Variants in CFAP54 observed in about 807,000 individuals in gnomAD.
CFAP54 encodes the protein cilia- and flagella-associated protein 54.
Under a neutral mutation model 370.4 loss-of-function variants are expected in CFAP54, and 290 were observed. The observed-to-expected ratio is 0.78, with a 90% CI of 0.71 to 0.86. The LOEUF (loss-of-function observed/expected upper bound fraction) is 0.86, where lower values mean the gene tolerates loss of function less well. Among genes scored for constraint, CFAP54 ranks in the 40% least tolerant of loss-of-function variants. The probability of loss-of-function intolerance (pLI) is 0.00; values close to 1 mark genes in which losing one functional copy is unlikely to be tolerated. For missense variants in CFAP54, 3,399 were observed against 3,528.7 expected (o/e 0.96, Z 0.93); for synonymous variants, 1,206 against 1,236.5 (o/e 0.98, Z 0.52).
intron 26 of CFAP54, among the ~76,000 whole-genome samples, chr12:96,611,312 C>A (rs1330565315): frequency 6.6e-6 from 1 of 152,260 alleles, no homozygotes; most frequent in Non-Finnish European, 1.5e-5. Context: ...TCCAACAGAC[C>A]TGCAGCTGAG....
rs1361954982 is a variant in CFAP54, at chr12:96,704,446, A to ATGTG, written c.6475-293_6475-290dup. Among the ~76,000 whole-genome samples, 21 of 72,974 alleles carry ATGTG rather than the reference A, an allele frequency of 2.9e-4. No individual in the cohort carries two copies. The South Asian group carries it at 3.4e-3, about 12-fold the overall frequency. 47.9% of individuals were successfully genotyped at this position (72,974 alleles called of 152,430 possible). A position where few individuals can be genotyped will look rare whatever the true frequency, so the allele number is the denominator to read the frequency against. The stretch of plus-strand genomic sequence containing the variant: ...GGTCTAAAAAAAAAAAAAAAAATGT[A>ATGTG]TGTGTGTATATATATATATATATAT... On this transcript the variant is annotated intron_variant, in intron 46 of 67. Coordinates refer to ENST00000524981, the MANE Select transcript of CFAP54 (RefSeq NM_001306084.2).
chr12:96,580,339 A>C (rs891111523), intron 20 of CFAP54, among the ~76,000 whole-genome samples: 2 of 152,128 alleles, frequency 1.3e-5, no homozygotes, highest in Non-Finnish European at 2.9e-5. Flanking sequence ...TAAATTTCCT[A>C]ACAGTACTTA....
In CFAP54 at chr12:96,545,088, T is replaced by G. The variant is rs191776861; in HGVS notation, c.2078-2814T>G. 1.5e-4 allele frequency among the ~76,000 whole-genome samples: 23 copies of G among 152,184 alleles called. No homozygotes were observed. In the East Asian group the frequency reaches 4.3e-3, roughly 28 times the overall value. On this transcript the variant is annotated intron_variant, in intron 14 of 67. Coordinates refer to ENST00000524981, the MANE Select transcript of CFAP54 (RefSeq NM_001306084.2). ...CACCACACCCAGCAATTTTTTTGTA[T>G]TTTTAGTAGAGACAGGGTTTCACCA...
intron 56 of CFAP54, 59 bp downstream of exon 56, chr12:96,753,957 A>G: frequency 6.5e-7 from 1 of 1,545,760 alleles, no homozygotes; most frequent in South Asian, 1.2e-5. Flanking sequence ...TTTTCTGTCA[A>G]CAACAGGATT....
intron 33 of CFAP54, among the ~76,000 whole-genome samples, chr12:96,647,512 A>G (rs1052974922): frequency 2.8e-5 from 4 of 143,588 alleles, no homozygotes; most frequent in Non-Finnish European, 3.0e-5. Flanking sequence ...GCCATTGATT[A>G]TGGACACATT....
chr12:96,628,282 A>G (rs1327508046), intron 30 of CFAP54, among the ~76,000 whole-genome samples: 7 of 152,332 alleles, frequency 4.6e-5, no homozygotes, highest in Admixed American at 2.0e-4. Context: ...TTAAAATACT[A>G]TTTATCAAAA....
At chr12:96,825,691 G>A (rs117013857) in intron 65 of CFAP54, among the ~76,000 whole-genome samples, 1,454 of 118,014 alleles carry the variant, frequency 0.012, 16 homozygotes, top group Non-Finnish European at 0.018. Flanking sequence ...AACATATCAC[G>A]ATATATATTA....
intron 55 of CFAP54, among the ~76,000 whole-genome samples, chr12:96,752,096 G>GAC (rs1432943713): frequency 7.3e-6 from 1 of 137,398 alleles, no homozygotes; most frequent in Non-Finnish European, 1.6e-5. Flanking sequence ...GAGAGAGAGA[G>GAC]AGAGAGAGAG....
At chr12:96,684,927 G>A (rs1957309480) in intron 41 of CFAP54, 102 bp from the exon 42 acceptor site, 10 of 1,104,262 alleles carry the variant, frequency 9.1e-6, no homozygotes, top group South Asian at 8.5e-5. Flanking sequence ...TTATACGTAT[G>A]TTAATTGACG....
chr12:96,739,966 G>A lies in CFAP54; in HGVS notation c.6976G>A (p.Val2326Ile), dbSNP rs1177592640. The A allele has an allele frequency of 3.9e-6, 6 of 1,547,062 alleles. No homozygotes were observed. In the African/African-American group the frequency reaches 5.5e-5, roughly 14 times the overall value. ...TATTTTCTATTTTAGTGCTGCAATA[G>A]TATTTTCTACACTTACACTTCTCCA... ...RHRAAYSAAI[V>I]FSTLTLLQDS... Residue 2326 changes from valine (V) to isoleucine (I), a missense_variant, in exon 51 of 68, where the codon GTA becomes ATA. By Grantham distance (29) the Val-to-Ile change is conservative. Around this residue, in one of 3 missense-constraint regions of CFAP54, gnomAD observed 2,796 missense variants for 2,869.7 expected, o/e 0.97. Coordinates refer to ENST00000524981, the MANE Select transcript of CFAP54 (RefSeq NM_001306084.2).
intron 51 of CFAP54, among the ~76,000 whole-genome samples, chr12:96,742,159 A>G (rs1300869966): frequency 6.6e-6 from 1 of 152,238 alleles, no homozygotes; most frequent in Non-Finnish European, 1.5e-5. Context: ...GCAGTGAGAA[A>G]TTCACACTGC....
intron 50 of CFAP54, among the ~76,000 whole-genome samples, chr12:96,722,236 T>A (rs10777807): frequency 0.86 from 131,209 of 152,224 alleles, 56,956 homozygotes; most frequent in African/African-American, 0.96. Context: ...GCAAGGTCTC[T>A]TTATGTGAGC....
At chr12:96,664,759 A>ATC (rs1555283277) in intron 39 of CFAP54, among the ~76,000 whole-genome samples, 19 of 26,114 alleles carry the variant, frequency 7.3e-4, no homozygotes, top group East Asian at 2.6e-3. Flanking sequence ...ATATATCTAT[A>ATC]TATATCTATA....
At chr12:96,740,284 T>C (rs979106703) in intron 51 of CFAP54, among the ~76,000 whole-genome samples, 2 of 152,266 alleles carry the variant, frequency 1.3e-5, no homozygotes, top group African/African-American at 4.8e-5. Context: ...TGTGAACTAA[T>C]GGAATTGGGA....
chr12:96,672,922 A>G (rs1193875875), intron 39 of CFAP54, among the ~76,000 whole-genome samples: 4 of 152,182 alleles, frequency 2.6e-5, no homozygotes, highest in Non-Finnish European at 5.9e-5. Context: ...TAGGTGCAAT[A>G]TATCAGAAAA....
At chr12:96,745,682 G>A (rs978845025) in intron 55 of CFAP54, among the ~76,000 whole-genome samples, 1 of 152,090 alleles carries the variant, frequency 6.6e-6, no homozygotes, top group Non-Finnish European at 1.5e-5. Flanking sequence ...AGTTTAGTTA[G>A]ATCCCATTTG....
At chr12:96,690,640 T>A (rs1426388483) in intron 43 of CFAP54, among the ~76,000 whole-genome samples, 2 of 152,158 alleles carry the variant, frequency 1.3e-5, no homozygotes, top group African/African-American at 2.4e-5. Flanking sequence ...ACATAGTTTT[T>A]TTTTATTTGT....
intron 61 of CFAP54, among the ~76,000 whole-genome samples, chr12:96,786,084 G>T (rs897364929): frequency 2.6e-5 from 4 of 152,060 alleles, no homozygotes; most frequent in African/African-American, 7.3e-5. Context: ...CTTACCTTAG[G>T]ATCTGTTTTA....
intron 4 of CFAP54, among the ~76,000 whole-genome samples, chr12:96,512,045 A>G (rs1955175059): frequency 6.6e-6 from 1 of 151,998 alleles, no homozygotes; most frequent in African/African-American, 2.4e-5. Flanking sequence ...GGTCTGACAC[A>G]AAAGCATGTG....
Sources: allele counts gnomAD v4.1 joint callset (sites outside exome capture counted in the v4.1 genomes callset), GRCh38; gene constraint gnomAD v4.1.1; regional missense constraint gnomAD v4.1.1; transcripts MANE v1.5; gene names NCBI Gene and HGNC (gene_info 2026-07-23, HGNC 2026-07-21).